Variants in SPRY4 observed in about 807,000 individuals in gnomAD.
SPRY4 encodes protein sprouty homolog 4.
A neutral mutation model predicts 17.0 loss-of-function variants in SPRY4; 7 were observed. The observed-to-expected ratio is 0.41, with a 90% confidence interval of 0.23 to 0.77. The LOEUF is 0.77. Ranked by LOEUF, SPRY4 falls within the 30% of genes least tolerant of loss-of-function variation. SPRY4 has a pLI of 0.32. For missense variants in SPRY4, 435 were observed against 419.9 expected, an observed-to-expected ratio of 1.04 and a Z score of -0.31; for synonymous variants, 183 against 174.1, an observed-to-expected ratio of 1.05 and a Z score of -0.40.
At position 142,315,102 on chromosome 5, in the gene SPRY4, G is replaced by A; in HGVS notation, c.7C>T (p.Pro3Ser). The change falls in exon 2 of 2, where the codon CCC becomes TCC. Residue 3 changes from proline (P) to serine (S), a missense_variant. Physicochemically the swap from Pro to Ser is moderately conservative, Grantham distance 74 (BLOSUM62 -1). Coordinates refer to ENST00000434127, the MANE Select transcript of SPRY4 (RefSeq NM_001127496.3). ...AAGGGGGCGCTCTGTGGGATCGGGG[G>A]CTCCATGGGGCTGGAGGTCCTGGAC... ME[P>S]PIPQSAPLTP... 1 of 1,609,790 alleles carries A rather than the reference G, an allele frequency of 6.2e-7. No homozygotes were observed. The highest frequency in any genetic ancestry group is 8.5e-7 in the Non-Finnish European group (1 of 1,179,898).
In SPRY4 at chr5:142,314,351, G is replaced by A. The variant is rs1245972974; in HGVS notation, c.758C>T (p.Pro253Leu). 6.2e-7 allele frequency: 1 copy of A among 1,614,080 alleles called. No individual in the cohort carries two copies. The highest frequency in any genetic ancestry group is 8.5e-7 in the Non-Finnish European group (1 of 1,179,990). Residue 253 changes from proline to leucine, a missense_variant, in exon 2 of 2, where the codon CCT (proline) becomes CTT (leucine). Pro to Leu is a moderately conservative substitution (Grantham distance 98, BLOSUM62 -3). Coordinates refer to ENST00000434127, the MANE Select transcript of SPRY4 (RefSeq NM_001127496.3). This position sits in a 1 kb window ranked among gnomAD's most constrained non-coding sequence, Gnocchi z 4.8. ...GGCCAGCTTCACGCAGCCGGTGGCA[G>A]GCAGGTAGCAGAGCAGGCAGGGCAG... is the stretch of plus-strand genomic sequence containing the variant. Reference protein sequence around the residue: ...VVLPCLLCYLPATGCVKLAQR... With the variant: ...VVLPCLLCYLLATGCVKLAQR...
rs1460675013 is a variant in SPRY4 at position 142,312,924 on chromosome 5, C to G, written c.*1285G>C. 1 of 152,594 alleles carries G rather than the reference C, an allele frequency of 6.6e-6. No homozygotes were observed. Among genetic ancestry groups the G allele is most frequent in the Non-Finnish European group, 1.5e-5 (1 of 68,014 alleles). The allele number at this position is 152,594 out of a possible 1,614,324, so 9.5% of individuals were successfully genotyped here. A position where few individuals can be genotyped will look rare whatever the true frequency, so the allele number is the denominator to read the frequency against. On this transcript the variant is annotated 3_prime_UTR_variant, in exon 2 of 2. Transcript: ENST00000434127. ...ACCCTCTCCCCAGCTCTTCCAAGCTCTTCCGACTCCCCTGCTGGGGCTTCC... is the reference window on the plus strand; with the variant it reads ...ACCCTCTCCCCAGCTCTTCCAAGCTGTTCCGACTCCCCTGCTGGGGCTTCC...
intron 1 of SPRY4, 49 bp from the exon 2 acceptor site, chr5:142,315,204 G>T: frequency 8.0e-7 from 1 of 1,253,614 alleles, no homozygotes; most frequent in Non-Finnish European, 1.1e-6. Context: ...CCAGGCATCA[G>T]TATGTGGCCT....
chr5:142,314,590 G>C lies in SPRY4; in HGVS notation c.519C>G (p.Pro173=), dbSNP rs146642702. The part of the protein sequence containing the change: ...GKCKCKECAS[P]RTLPSCWVCN... ...AGACCCAGCAGGAAGGCAACGTCCGGGGGGATGCACACTCCTTGCATTTAC... is the reference window on the plus strand; with the variant it reads ...AGACCCAGCAGGAAGGCAACGTCCGCGGGGATGCACACTCCTTGCATTTAC... Residue 173 remains proline (P), a synonymous_variant, in exon 2 of 2, where the codon CCC becomes CCG. Transcript: ENST00000434127. This position sits in a 1 kb window ranked among gnomAD's most constrained non-coding sequence, Gnocchi z 4.8. The C allele has an allele frequency of 6.2e-7, 1 of 1,614,230 alleles. No homozygotes were observed.
In SPRY4 at chr5:142,314,476, C is replaced by T. The variant is rs754323724; in HGVS notation, c.633G>A (p.Thr211=). ...CLVQGIFYHC[T]NEDDEGSCAD... is the part of the protein sequence containing the mutation. Reference sequence around the variant, plus strand: ...CGCAGGAGCCCTCATCGTCCTCATTCGTGCAGTGGTAGAAGATGCCCTGCA... The same window carrying T: ...CGCAGGAGCCCTCATCGTCCTCATTTGTGCAGTGGTAGAAGATGCCCTGCA... The change falls in exon 2 of 2, where the codon ACG becomes ACA. Residue 211 remains threonine, a synonymous_variant. Coordinates refer to ENST00000434127, the MANE Select transcript of SPRY4 (RefSeq NM_001127496.3). This position sits in a 1 kb window ranked among gnomAD's most constrained non-coding sequence, Gnocchi z 4.8. 8.1e-6 allele frequency: 13 copies of T among 1,614,028 alleles called. 1 individual carries two copies. Among genetic ancestry groups the T allele is most frequent in the South Asian group, 3.3e-5 (3 of 91,084 alleles).
At position 142,314,438 on chromosome 5, in the gene SPRY4, CAGGGGT is replaced by C. The variant is rs1759056917; in HGVS notation, c.665_670del (p.His222_Cys224delinsArg). On this transcript the variant is annotated inframe_deletion, in exon 2 of 2. Transcript: ENST00000434127. The surrounding 1 kb of genome is among the most constrained non-coding windows in gnomAD (Gnocchi z 4.8). ...GCAGCAGTTGGAGCGGGAGCAGGAG[CAGGGGT>C]GGTCAGCGCAGGAGCCCTCATCGTC... The C allele has an allele frequency of 6.2e-7, 1 of 1,614,072 alleles. No individual in the cohort carries two copies. Among genetic ancestry groups the C allele is most frequent in the South Asian group, 1.1e-5 (1 of 91,068 alleles).
Position 142,310,950 on chromosome 5 carries a change from AGAAC to A in SPRY4, c.*3255_*3258del, listed in dbSNP as rs1758885545. On this transcript the variant is annotated 3_prime_UTR_variant, in exon 2 of 2. Coordinates refer to ENST00000434127, the MANE Select transcript of SPRY4 (RefSeq NM_001127496.3). The stretch of plus-strand genomic sequence containing the variant: ...ACACTTCCTGGGACAGCACAGAAGG[AGAAC>A]AGGATGCTTCAAGGTGACAGTCATC... The A allele has an allele frequency of 1.3e-5, 2 of 152,248 alleles. No individual in the cohort carries two copies. The highest frequency in any genetic ancestry group is 4.8e-5 in the African/African-American group (2 of 41,446). The allele number at this position is 152,248 out of a possible 1,614,324, so 9.4% of individuals were successfully genotyped here. A position where few individuals can be genotyped will look rare whatever the true frequency, so the allele number is the denominator to read the frequency against.
chr5:142,321,445 C>G (rs536836248), intron 1 of SPRY4, among the ~76,000 whole-genome samples: 1 of 152,340 alleles, frequency 6.6e-6, no homozygotes, highest in African/African-American at 2.4e-5. Flanking sequence ...TCACCTACCC[C>G]TGGCTCTTTT....
chr5:142,318,060 C>T, intron 1 of SPRY4: 1 of 985,316 alleles, frequency 1.0e-6, no homozygotes, highest in Non-Finnish European at 1.2e-6. Flanking sequence ...CACCCCTCAC[C>T]AGCAGGGACC....
In SPRY4 at chr5:142,324,985, C is replaced by A. The variant is rs1053469998; in HGVS notation, c.-189G>T. ...TGCGCTCCACAGCGCCAGCTCCGCG[C>A]TGTCAGCTCAGCTCGCTACCTCCGC... On this transcript the variant is annotated 5_prime_UTR_variant, in exon 1 of 2. Coordinates refer to ENST00000434127, the MANE Select transcript of SPRY4 (RefSeq NM_001127496.3). 1.4e-4 allele frequency: 21 copies of A among 152,718 alleles called. 1 individual carries two copies. The highest frequency in any genetic ancestry group is 2.4e-4 in the Non-Finnish European group (16 of 68,060). The allele number at this position is 152,718 out of a possible 1,614,324, so 9.5% of individuals were successfully genotyped here.
At chr5:142,324,322 C>G (rs1316532383) in intron 1 of SPRY4, 1 of 152,230 alleles carries the variant, frequency 6.6e-6, no homozygotes, top group African/African-American at 2.4e-5. Context: ...GTCACGGCTC[C>G]GAAGAGAAAG....
chr5:142,320,942 T>C (rs990096325), intron 1 of SPRY4, among the ~76,000 whole-genome samples: 10 of 152,110 alleles, frequency 6.6e-5, no homozygotes, highest in African/African-American at 2.4e-4. Context: ...CCCCTTCCCT[T>C]CTCCGCCAGA....
rs142326373 is a variant in SPRY4 at position 142,321,846 on chromosome 5, T to C, written c.-48+2998A>G. Among the ~76,000 whole-genome samples the C allele has an allele frequency of 3.8e-3, 586 of 152,222 alleles. 2 individuals are homozygous for C. The highest frequency in any genetic ancestry group is 0.014 in the African/African-American group (567 of 41,526). On this transcript the variant is annotated intron_variant, in intron 1 of 1. Transcript: ENST00000434127. ...AGCCCAAGGACAGAAAAACACACTG[T>C]GGGGGCACAAATCTTGGAGCTAGAA...
intron 1 of SPRY4, chr5:142,315,464 A>G (rs1759119376): frequency 3.3e-6 from 1 of 303,334 alleles, no homozygotes. Context: ...TATTTAGAGA[A>G]AAGACATGTT....
Position 142,313,827 on chromosome 5 carries a change from G to GC in SPRY4, c.*381_*382insG, listed in dbSNP as rs1202283690. 1.9e-4 allele frequency: 1 copy of GC among 5,244 alleles called. No individual in the cohort carries two copies. Among genetic ancestry groups the GC allele is most frequent in the Non-Finnish European group, 5.0e-4 (1 of 2,004 alleles). 0.3% of individuals were successfully genotyped at this position (5,244 alleles called of 1,614,324 possible). On this transcript the variant is annotated 3_prime_UTR_variant, in exon 2 of 2. Coordinates refer to ENST00000434127, the MANE Select transcript of SPRY4 (RefSeq NM_001127496.3). ...CCAAAGACAATGGAAAAGAGGAAGG[G>GC]GGGGGGGGCGGAGGGAGGGAGGGAG...
chr5:142,314,869 G>A lies in SPRY4; in HGVS notation c.240C>T (p.Arg80=), dbSNP rs147395622. Residue 80 remains arginine (R), a synonymous_variant, in exon 2 of 2, where the codon CGC becomes CGT. Transcript: ENST00000434127. This position sits in a 1 kb window ranked among gnomAD's most constrained non-coding sequence, Gnocchi z 4.8. The part of the protein sequence containing the change: ...GAPELAPTPA[R]CDQDVTHHWI... ...AATGGTGGGTGACATCCTGGTCACA[G>A]CGGGCGGGCGTCGGGGCCAGCTCTG... is the stretch of plus-strand genomic sequence containing the variant. 114 of 1,595,376 alleles carry A rather than the reference G, an allele frequency of 7.1e-5. No homozygotes were observed. The African/African-American group carries it at 1.4e-3, about 20-fold the overall frequency.
chr5:142,316,454 T>C (rs1399470982), intron 1 of SPRY4, among the ~76,000 whole-genome samples: 1 of 152,098 alleles, frequency 6.6e-6, no homozygotes, highest in Non-Finnish European at 1.5e-5. Flanking sequence ...GGATACAATT[T>C]GGAATCCAAG....
chr5:142,314,032 G>A lies in SPRY4; in HGVS notation c.*177C>T. On this transcript the variant is annotated 3_prime_UTR_variant, in exon 2 of 2. Coordinates refer to ENST00000434127, the MANE Select transcript of SPRY4 (RefSeq NM_001127496.3). This position sits in a 1 kb window ranked among gnomAD's most constrained non-coding sequence, Gnocchi z 4.8. ...CCCCAAAGTGCTTCTTCATCACCTT[G>A]GGGAATACAGGGTACGTGGTGGTGG... The A allele has an allele frequency of 4.5e-6, 3 of 665,672 alleles. No homozygotes were observed. Among genetic ancestry groups the A allele is most frequent in the Non-Finnish European group, 7.5e-6 (3 of 400,972 alleles). 41.2% of individuals were successfully genotyped at this position (665,672 alleles called of 1,614,324 possible).
At position 142,314,328 on chromosome 5, in the gene SPRY4, C is replaced by A. The variant is rs1471950659; in HGVS notation, c.781G>T (p.Ala261Ser). The A allele has an allele frequency of 6.2e-7, 1 of 1,614,030 alleles. No homozygotes were observed. The highest frequency in any genetic ancestry group is 1.3e-5 in the African/African-American group (1 of 75,052). ...YLPATGCVKL[A>S]QRGYDRLRRP... Reference sequence around the variant, plus strand: ...CGCAGACGGTCGTAGCCACGCTGGGCCAGCTTCACGCAGCCGGTGGCAGGC... The same window carrying A: ...CGCAGACGGTCGTAGCCACGCTGGGACAGCTTCACGCAGCCGGTGGCAGGC... Residue 261 changes from alanine (A) to serine (S), a missense_variant, in exon 2 of 2, where the codon GCC becomes TCC. Physicochemically the swap from Ala to Ser is moderately conservative, Grantham distance 99. Transcript: ENST00000434127. This position sits in a 1 kb window ranked among gnomAD's most constrained non-coding sequence, Gnocchi z 4.8.
Sources: allele counts gnomAD v4.1 joint callset (sites outside exome capture counted in the v4.1 genomes callset), GRCh38; gene constraint gnomAD v4.1.1; non-coding constraint Gnocchi (gnomAD v3.1); transcripts MANE v1.5; gene names NCBI Gene and HGNC (gene_info 2026-07-23, HGNC 2026-07-21).